FHIT: variants seen among roughly 807,000 people sequenced by gnomAD.
FHIT encodes the protein bis(5'-adenosyl)-triphosphatase.
In FHIT, 19 loss-of-function variants were observed where a neutral mutation model predicts 17.9. The ratio of observed to expected loss-of-function variants is 1.06; its 90% CI spans 0.74 to 1.56. FHIT has a LOEUF of 1.56. FHIT is among the 40% of genes most tolerant of loss of function. The probability of loss-of-function intolerance (pLI) is 0.00; values close to 1 mark genes in which losing one functional copy is unlikely to be tolerated. For missense variants in FHIT, 248 were observed against 189.2 expected, an observed-to-expected ratio of 1.31 and a Z score of -1.82; for synonymous variants, 81 against 69.7, an observed-to-expected ratio of 1.16 and a Z score of -0.81.
chr3:60,702,049 G>A (rs2041260316), intron 4 of FHIT, among the ~76,000 whole-genome samples: 3 of 152,146 alleles, frequency 2.0e-5, no homozygotes, highest in South Asian at 2.1e-4. Flanking sequence ...ATTTTATACA[G>A]ACAGGGTTTC....
At chr3:60,439,180 G>T (rs1293212563) in intron 5 of FHIT, among the ~76,000 whole-genome samples, 4 of 152,072 alleles carry the variant, frequency 2.6e-5, no homozygotes, top group Non-Finnish European at 5.9e-5. Flanking sequence ...CATCACTGGT[G>T]CACAGTGGGT....
intron 1 of FHIT, among the ~76,000 whole-genome samples, chr3:61,232,017 GA>G (rs937382289): frequency 4.6e-5 from 7 of 150,938 alleles, no homozygotes; most frequent in Middle Eastern, 3.4e-3. Flanking sequence ...AAAGGAGTGA[GA>G]AAAAAAAAGT....
At chr3:60,011,752 T>C (rs1700148626) in intron 6 of FHIT, among the ~76,000 whole-genome samples, 1 of 152,212 alleles carries the variant, frequency 6.6e-6, no homozygotes, top group Non-Finnish European at 1.5e-5. Flanking sequence ...GGTGGTTTAA[T>C]TAATGTCTGA....
chr3:59,902,963 A>G (rs916592807), intron 8 of FHIT, among the ~76,000 whole-genome samples: 16 of 152,308 alleles, frequency 1.1e-4, no homozygotes, highest in African/African-American at 3.8e-4. Context: ...CACACACACA[A>G]AAGGTAACTA....
intron 4 of FHIT, among the ~76,000 whole-genome samples, chr3:60,709,258 T>C (rs1262494300): frequency 6.6e-6 from 1 of 152,120 alleles, no homozygotes; most frequent in Non-Finnish European, 1.5e-5. Context: ...GTGAGAAGAG[T>C]GGCATTGTCT....
intron 5 of FHIT, among the ~76,000 whole-genome samples, chr3:60,150,388 A>AC (rs1277955221): frequency 6.6e-6 from 1 of 152,116 alleles, no homozygotes; most frequent in Admixed American, 6.5e-5. Flanking sequence ...TGTTGCCCCT[A>AC]CCCTAGTGGG....
intron 5 of FHIT, among the ~76,000 whole-genome samples, chr3:60,186,240 T>C (rs1702152098): frequency 6.6e-6 from 1 of 152,210 alleles, no homozygotes; most frequent in East Asian, 1.9e-4. Flanking sequence ...GATTTTTTTC[T>C]AGATTTTATA....
chr3:61,061,666 T>C (rs1309924172), intron 2 of FHIT, among the ~76,000 whole-genome samples: 1 of 152,160 alleles, frequency 6.6e-6, no homozygotes, highest in African/African-American at 2.4e-5. Flanking sequence ...ATCATGGCTC[T>C]AGAGCTTGTG....
At chr3:59,943,157 G>T (rs528651008) in intron 7 of FHIT, among the ~76,000 whole-genome samples, 2 of 152,222 alleles carry the variant, frequency 1.3e-5, no homozygotes, top group African/African-American at 4.8e-5. Context: ...CCTGACAATG[G>T]AAGTGCTTGC....
chr3:61,024,626 A>G (rs2032635810), intron 3 of FHIT, among the ~76,000 whole-genome samples: 2 of 152,214 alleles, frequency 1.3e-5, no homozygotes, highest in African/African-American at 4.8e-5. Flanking sequence ...TTATGACTAA[A>G]TATATAAAGA....
At chr3:60,358,198 C>A (rs1394610534) in intron 5 of FHIT, among the ~76,000 whole-genome samples, 1 of 152,222 alleles carries the variant, frequency 6.6e-6, no homozygotes, top group African/African-American at 2.4e-5. Flanking sequence ...ACATAACAAG[C>A]ACTTAATACA....
chr3:60,543,059 C>G (rs943972799), intron 4 of FHIT, among the ~76,000 whole-genome samples: 1 of 152,150 alleles, frequency 6.6e-6, no homozygotes, highest in Non-Finnish European at 1.5e-5. Context: ...TATTCTGCTT[C>G]AGAGCCAGAC....
At chr3:60,187,459 C>T (rs967086608) in intron 5 of FHIT, among the ~76,000 whole-genome samples, 2 of 152,172 alleles carry the variant, frequency 1.3e-5, no homozygotes, top group African/African-American at 4.8e-5. Context: ...CCTCGGAAGC[C>T]TTCACGGGTT....
At chr3:59,832,512 T>C (rs1701199928) in intron 8 of FHIT, among the ~76,000 whole-genome samples, 1 of 152,186 alleles carries the variant, frequency 6.6e-6, no homozygotes, top group Non-Finnish European at 1.5e-5. Context: ...CATGTCTACA[T>C]AGAATCTTTA....
chr3:60,471,966 T>G (rs2033109057), intron 5 of FHIT, among the ~76,000 whole-genome samples: 1 of 152,226 alleles, frequency 6.6e-6, no homozygotes, highest in South Asian at 2.1e-4. Context: ...CTTATTAACC[T>G]AATTGCATGC....
At chr3:61,136,670 G>A (rs2036925040) in intron 2 of FHIT, among the ~76,000 whole-genome samples, 1 of 152,138 alleles carries the variant, frequency 6.6e-6, no homozygotes, top group African/African-American at 2.4e-5. Context: ...GCAGAGACTG[G>A]GATACCAGAT....
At chr3:60,950,485 CTT>C (rs199681114) in intron 3 of FHIT, among the ~76,000 whole-genome samples, 32 of 140,420 alleles carry the variant, frequency 2.3e-4, no homozygotes, top group Non-Finnish European at 2.5e-4. Flanking sequence ...GCTTTTTTTT[CTT>C]TTTTTTTTTT....
At chr3:60,071,780 G>A (rs1386406276) in intron 5 of FHIT, among the ~76,000 whole-genome samples, 1 of 152,158 alleles carries the variant, frequency 6.6e-6, no homozygotes, top group African/African-American at 2.4e-5. Flanking sequence ...CGTATGTTAT[G>A]AGATGGACCC....
chr3:61,020,740 G>C (rs1490859417), intron 3 of FHIT, among the ~76,000 whole-genome samples: 1 of 152,110 alleles, frequency 6.6e-6, no homozygotes, highest in Non-Finnish European at 1.5e-5. Flanking sequence ...TGGATAAACA[G>C]TCATGACCCG....
Sources: allele counts gnomAD v4.1 joint callset (sites outside exome capture counted in the v4.1 genomes callset), GRCh38; gene constraint gnomAD v4.1.1; transcripts MANE v1.5; gene names NCBI Gene and HGNC (gene_info 2026-07-23, HGNC 2026-07-21).